Variants in GYG2 observed in about 807,000 individuals in gnomAD.
The protein encoded by GYG2 is glycogenin-2.
Under a neutral mutation model 29.4 loss-of-function variants are expected in GYG2, and 29 were observed. That is an observed-to-expected ratio of 0.99 (90% confidence interval 0.74 to 1.35). GYG2 has a LOEUF of 1.35. GYG2 is among the 40% of genes most tolerant of loss of function. The pLI is 0.00. For missense variants in GYG2, 370 were observed against 385.7 expected, an observed-to-expected ratio of 0.96 and a Z score of 0.34; for synonymous variants, 167 against 172.3, an observed-to-expected ratio of 0.97 and a Z score of 0.24.
Position 2,872,733 on chromosome X carries a change from G to GT in GYG2, c.1039-3071dup, listed in dbSNP as rs747814671. ...TTTCCCTAATCCATTTCCAGGAATG[G>GT]TTTTTTGAGCACTTATTCTTTGCCT... On this transcript the variant is annotated intron_variant, in intron 8 of 10. Transcript: ENST00000398806. Among the ~76,000 whole-genome samples the GT allele has an allele frequency of 2.4e-3, 267 of 111,876 alleles. 2 individuals carry two copies. Among genetic ancestry groups the GT allele is most frequent in the African/African-American group, 8.4e-3 (260 of 30,804 alleles).
In GYG2 at chrX:2,854,069, C is replaced by A. The variant is rs374070197; in HGVS notation, c.239C>A (p.Pro80His). Residue 80 changes from proline to histidine, a missense_variant, in exon 4 of 11, where the codon CCT (proline) becomes CAT (histidine). Coordinates refer to ENST00000398806, the MANE Select transcript of GYG2 (RefSeq NM_001079855.2). ...ATCCACCTGGCCTTTCTGAAGAGACCTGAGCTCGGGCTCACCCTCACCAAG... is the reference window on the plus strand; with the variant it reads ...ATCCACCTGGCCTTTCTGAAGAGACATGAGCTCGGGCTCACCCTCACCAAG... ...DYIHLAFLKR[P>H]ELGLTLTKLH... 5.2e-5 allele frequency: 62 copies of A among 1,201,535 alleles called. No individual in the cohort carries two copies. The highest frequency in any genetic ancestry group is 6.1e-5 in the Non-Finnish European group (54 of 887,756).
chrX:2,877,495 G>A (rs2088630423), intron 10 of GYG2, 188 bp downstream of exon 10: 5 of 1,052,509 alleles, frequency 4.8e-6, no homozygotes, highest in African/African-American at 3.8e-5. Context: ...TGGGGTGATC[G>A]GCCGACTCTC....
intron 2 of GYG2, among the ~76,000 whole-genome samples, chrX:2,842,749 T>C (rs1385050862): frequency 3.4e-5 from 1 of 29,104 alleles, no homozygotes; most frequent in African/African-American, 7.8e-5. Context: ...TCCTGTGTTT[T>C]GTTTTGTTTA....
At chrX:2,845,178 C>CAT (rs762132739) in intron 3 of GYG2, among the ~76,000 whole-genome samples, 2 of 2 alleles carry the variant, frequency 1, 1 homozygote, top group Non-Finnish European at 1. Context: ...TTTATATACA[C>CAT]GTGTGTATGT....
chrX:2,835,196 G>T (rs989351474), intron 2 of GYG2, among the ~76,000 whole-genome samples: 17 of 112,011 alleles, frequency 1.5e-4, no homozygotes, highest in African/African-American at 5.5e-4. Flanking sequence ...ATGATAAGAG[G>T]TTGTAGAGAC....
At chrX:2,876,520 G>A (rs1308033679) in intron 9 of GYG2, among the ~76,000 whole-genome samples, 3 of 111,324 alleles carry the variant, frequency 2.7e-5, no homozygotes, top group Non-Finnish European at 5.6e-5. Flanking sequence ...TCCATGAATT[G>A]CATAAGAACT....
chrX:2,877,358 A>T (rs775746302), intron 10 of GYG2, 51 bp downstream of exon 10: 109 of 1,191,579 alleles, frequency 9.1e-5, no homozygotes, highest in Non-Finnish European at 1.2e-4. Flanking sequence ...GGGGCCATCC[A>T]CCGTCACTGA....
intron 5 of GYG2, 36 bp from the exon 6 acceptor site, chrX:2,856,461 CT>C: frequency 8.3e-7 from 1 of 1,199,137 alleles, no homozygotes; most frequent in Non-Finnish European, 1.1e-6. Flanking sequence ...CCAAGCCATA[CT>C]TTGCTAACCT....
At chrX:2,850,118 A>AAATAAT (rs927910393) in intron 3 of GYG2, among the ~76,000 whole-genome samples, 1 of 103,498 alleles carries the variant, frequency 9.7e-6, no homozygotes, top group Non-Finnish European at 2.0e-5. Flanking sequence ...CCCTGTCTCA[A>AAATAAT]AATAATAATA....
intron 8 of GYG2, among the ~76,000 whole-genome samples, chrX:2,865,521 G>A (rs929257605): frequency 9.0e-6 from 1 of 111,229 alleles, no homozygotes; most frequent in Non-Finnish European, 1.9e-5. Flanking sequence ...TTGTCCGTCC[G>A]TGAGCCACCT....
chrX:2,847,335 T>G (rs1186849121), intron 3 of GYG2, among the ~76,000 whole-genome samples: 1 of 110,424 alleles, frequency 9.1e-6, no homozygotes, highest in Admixed American at 9.9e-5. Flanking sequence ...TTCAACACAT[T>G]AATATGTTAG....
intron 3 of GYG2, among the ~76,000 whole-genome samples, chrX:2,848,933 G>A (rs1384234272): frequency 9.0e-6 from 1 of 110,730 alleles, no homozygotes; most frequent in Non-Finnish European, 1.9e-5. Context: ...TTGAGGGATG[G>A]CGCTCTGCGG....
At chrX:2,835,436 C>A (rs776760127) in intron 2 of GYG2, among the ~76,000 whole-genome samples, 1 of 111,721 alleles carries the variant, frequency 9.0e-6, no homozygotes, top group African/African-American at 3.3e-5. Context: ...TAGGTAGTTG[C>A]GAGGCCTAGA....
intron 3 of GYG2, among the ~76,000 whole-genome samples, chrX:2,850,275 G>T (rs897327337): frequency 8.9e-6 from 1 of 111,920 alleles, no homozygotes; most frequent in Admixed American, 9.5e-5. Flanking sequence ...CACATGGGAG[G>T]TAATTGAAAG....
At chrX:2,871,374 T>G (rs1292492714) in intron 8 of GYG2, among the ~76,000 whole-genome samples, 1 of 79,706 alleles carries the variant, frequency 1.3e-5, no homozygotes, top group African/African-American at 3.6e-5. Context: ...CCTTAGTAGC[T>G]CTCTGATGCA....
At chrX:2,867,371 G>C (rs1039845417) in intron 8 of GYG2, among the ~76,000 whole-genome samples, 7 of 111,261 alleles carry the variant, frequency 6.3e-5, no homozygotes, top group Admixed American at 1.9e-4. Flanking sequence ...CATCACAGAG[G>C]GGGCGGCAAG....
intron 2 of GYG2, among the ~76,000 whole-genome samples, chrX:2,834,772 C>A (rs151037831): frequency 8.9e-6 from 1 of 112,264 alleles, no homozygotes; most frequent in Non-Finnish European, 1.9e-5. Context: ...TAAGCAGATG[C>A]CCTTATGTGT....
chrX:2,832,965 T>C, intron 2 of GYG2, among the ~76,000 whole-genome samples: 1 of 111,873 alleles, frequency 8.9e-6, no homozygotes, highest in Non-Finnish European at 1.9e-5. Context: ...CTGCAGGTTA[T>C]GATATTCATA....
At chrX:2,869,246 A>C (rs912942188) in intron 8 of GYG2, among the ~76,000 whole-genome samples, 41 of 112,529 alleles carry the variant, frequency 3.6e-4, no homozygotes, top group African/African-American at 1.2e-3. Context: ...TAGGTATGGT[A>C]ATTAACCTAG....
Sources: allele counts gnomAD v4.1 joint callset (sites outside exome capture counted in the v4.1 genomes callset), GRCh38; gene constraint gnomAD v4.1.1; transcripts MANE v1.5; gene names NCBI Gene and HGNC (gene_info 2026-07-23, HGNC 2026-07-21).